SOHLH2: variants seen among roughly 807,000 people sequenced by gnomAD.
The protein encoded by SOHLH2 is spermatogenesis- and oogenesis-specific basic helix-loop-helix-containing protein 2.
In SOHLH2, 22 loss-of-function variants were observed where a neutral mutation model predicts 50.4. The observed-to-expected ratio is 0.44, with a 90% CI of 0.31 to 0.62. SOHLH2 has a LOEUF of 0.62. SOHLH2 is among the 20% of genes least tolerant of loss of function. The pLI is 0.08. For missense variants in SOHLH2, 412 were observed against 504.4 expected, an observed-to-expected ratio of 0.82 and a Z score of 1.76; for synonymous variants, 185 against 187.3, an observed-to-expected ratio of 0.99 and a Z score of 0.10.
intron 1 of SOHLH2, among the ~76,000 whole-genome samples, chr13:36,209,566 T>C (rs1868985685): frequency 6.6e-6 from 1 of 152,194 alleles, no homozygotes; most frequent in Non-Finnish European, 1.5e-5. Context: ...GGGCCTCTTT[T>C]ATAAGGCACT....
chr13:36,205,114 A>T (rs1439462805), intron 1 of SOHLH2, among the ~76,000 whole-genome samples: 1 of 152,160 alleles, frequency 6.6e-6, no homozygotes, highest in East Asian at 1.9e-4. Context: ...CTGTATAAGG[A>T]ACTTGCTTCA....
chr13:36,208,394 C>G (rs1489794021), intron 1 of SOHLH2, among the ~76,000 whole-genome samples: 2 of 152,080 alleles, frequency 1.3e-5, no homozygotes, highest in African/African-American at 4.8e-5. Flanking sequence ...GGGTTACAAT[C>G]CAATACTATC....
At chr13:36,206,980 C>T (rs912681838) in intron 1 of SOHLH2, among the ~76,000 whole-genome samples, 1 of 151,488 alleles carries the variant, frequency 6.6e-6, no homozygotes, top group Non-Finnish European at 1.5e-5. Context: ...AACATACCTC[C>T]TTGCCCTTTA....
At chr13:36,184,488 G>A (rs1286396922) in intron 6 of SOHLH2, among the ~76,000 whole-genome samples, 4 of 82,188 alleles carry the variant, frequency 4.9e-5, no homozygotes, top group Non-Finnish European at 1.0e-4. Context: ...TTGAGACGGA[G>A]TCTTGCTCTT....
chr13:36,173,942 A>G, intron 8 of SOHLH2, 132 bp from the exon 9 acceptor site: 1 of 1,028,962 alleles, frequency 9.7e-7, no homozygotes, highest in East Asian at 2.6e-5. Flanking sequence ...TTATTTACAT[A>G]TGAGCAAAGA....
rs370201283 is a variant in SOHLH2 at position 36,189,977 on chromosome 13, G to T, written c.610C>A (p.Leu204Ile). Reference protein sequence around the residue: ...SEFEKNKKISLLHSSKEKLRR... With the variant: ...SEFEKNKKISILHSSKEKLRR... ...AGTTTTTCCTTGCTTGAATGAAGAAGAGAGATCTTTTTGTTTTTCTCGAAC... is the reference window on the plus strand; with the variant it reads ...AGTTTTTCCTTGCTTGAATGAAGAATAGAGATCTTTTTGTTTTTCTCGAAC... Residue 204 changes from leucine (L) to isoleucine (I), a missense_variant, in exon 6 of 11, where the codon CTT (leucine) becomes ATT (isoleucine). Physicochemically the swap from Leu to Ile is conservative, Grantham distance 5 (BLOSUM62 2). Transcript: ENST00000379881. 15 of 1,603,110 alleles carry T rather than the reference G, an allele frequency of 9.4e-6. No individual in the cohort carries two copies. The highest frequency in any genetic ancestry group is 1.3e-5 in the Non-Finnish European group (15 of 1,173,164).
At chr13:36,174,921 T>C in intron 6 of SOHLH2, 52 bp from the exon 7 acceptor site, 2 of 1,526,100 alleles carry the variant, frequency 1.3e-6, no homozygotes, top group Non-Finnish European at 1.7e-6. Context: ...TTGTCTTCAT[T>C]GTACCCAAAG....
intron 1 of SOHLH2, among the ~76,000 whole-genome samples, chr13:36,207,733 A>T (rs975666363): frequency 6.6e-6 from 1 of 152,076 alleles, no homozygotes; most frequent in Non-Finnish European, 1.5e-5. Flanking sequence ...CTAATATGCA[A>T]TGGTTTCTCA....
chr13:36,177,365 C>T (rs986640822), intron 6 of SOHLH2, among the ~76,000 whole-genome samples: 2 of 152,024 alleles, frequency 1.3e-5, no homozygotes, highest in East Asian at 1.9e-4. Flanking sequence ...TGGGTTATTA[C>T]AAATAAGGAT....
intron 8 of SOHLH2, among the ~76,000 whole-genome samples, chr13:36,174,101 C>T (rs1887036544): frequency 1.3e-5 from 2 of 152,182 alleles, no homozygotes; most frequent in Admixed American, 1.3e-4. Context: ...TTAAGCACCA[C>T]TAATTGAAAT....
rs1018444869 is a variant in SOHLH2, at chr13:36,193,991, A to C, written c.264-124T>G. 4 of 804,890 alleles carry C rather than the reference A, an allele frequency of 5.0e-6. No individual in the cohort carries two copies. In the African/African-American group the frequency reaches 7.2e-5, roughly 15 times the overall value. 49.9% of individuals were successfully genotyped at this position (804,890 alleles called of 1,614,324 possible). ...CTTCATTTCTTTAGAATTTAAAATA[A>C]TATCATTAATATGGAAATTTAGTAA... On this transcript the variant is annotated intron_variant, in intron 2 of 10. Coordinates refer to ENST00000379881, the MANE Select transcript of SOHLH2 (RefSeq NM_017826.3).
intron 6 of SOHLH2, among the ~76,000 whole-genome samples, chr13:36,186,351 C>G (rs1472573831): frequency 6.6e-6 from 1 of 152,146 alleles, no homozygotes; most frequent in East Asian, 1.9e-4. Flanking sequence ...AAAGACTTAA[C>G]ATTTTCCCTC....
At chr13:36,191,255 C>A (rs934086129) in intron 5 of SOHLH2, among the ~76,000 whole-genome samples, 2 of 152,126 alleles carry the variant, frequency 1.3e-5, no homozygotes, top group Non-Finnish European at 2.9e-5. Context: ...GAGACACACA[C>A]TAAAACTTGC....
intron 5 of SOHLH2, among the ~76,000 whole-genome samples, chr13:36,190,560 A>G (rs1199972081): frequency 6.6e-6 from 1 of 152,148 alleles, no homozygotes; most frequent in Non-Finnish European, 1.5e-5. Flanking sequence ...TGATTGATTT[A>G]AAAATACATT....
chr13:36,214,410 G>A lies in SOHLH2; in HGVS notation c.48+69C>T. On this transcript the variant is annotated intron_variant, in intron 1 of 10. Coordinates refer to ENST00000379881, the MANE Select transcript of SOHLH2 (RefSeq NM_017826.3). ...CCCAGGCCGGGCTTTGAGGGCCGAG[G>A]GGACCACCGACCTAGGGCCCGCCCG... 4.5e-6 allele frequency: 7 copies of A among 1,559,934 alleles called. No individual in the cohort carries two copies. In the South Asian group the frequency reaches 5.9e-5, roughly 13 times the overall value.
intron 6 of SOHLH2, among the ~76,000 whole-genome samples, chr13:36,185,325 G>A (rs1260768910): frequency 6.6e-6 from 1 of 152,068 alleles, no homozygotes; most frequent in Admixed American, 6.5e-5. Context: ...AAATTAGCCA[G>A]GTGTGGTGGT....
intron 1 of SOHLH2, among the ~76,000 whole-genome samples, chr13:36,213,691 G>T (rs1015428759): frequency 6.6e-6 from 1 of 152,140 alleles, no homozygotes; most frequent in Non-Finnish European, 1.5e-5. Flanking sequence ...AGGCCAGCGG[G>T]CTTTTTGATT....
chr13:36,208,988 A>G (rs896333575), intron 1 of SOHLH2, among the ~76,000 whole-genome samples: 9 of 152,108 alleles, frequency 5.9e-5, no homozygotes, highest in African/African-American at 2.2e-4. Flanking sequence ...GTGTTTAAGT[A>G]TATATCTTAT....
chr13:36,178,944 T>A (rs1323633670), intron 6 of SOHLH2, among the ~76,000 whole-genome samples: 1 of 152,156 alleles, frequency 6.6e-6, no homozygotes, highest in Non-Finnish European at 1.5e-5. Flanking sequence ...TACCATTGAT[T>A]TTTGTACCTT....
Sources: gnomAD v4.1 joint callset for allele counts (sites outside exome capture counted in the v4.1 genomes callset) on GRCh38, gnomAD v4.1.1 for gene constraint, MANE v1.5 for transcripts, NCBI Gene and HGNC (gene_info 2026-07-23, HGNC 2026-07-21) for gene names.